Variants in WWOX observed in about 807,000 individuals in gnomAD.
WWOX encodes WW domain containing oxidoreductase, also known as WW domain-containing oxidoreductase.
A neutral mutation model predicts 46.2 loss-of-function variants in WWOX; 69 were observed. The ratio of observed to expected loss-of-function variants is 1.49; its 90% CI spans 1.23 to 1.82. The LOEUF is 1.82. Among genes scored for constraint, WWOX ranks in the 40% most tolerant of loss-of-function variants. The probability of loss-of-function intolerance (pLI) is 0.00; values close to 1 mark genes in which losing one functional copy is unlikely to be tolerated. For missense variants in WWOX, 919 were observed against 542.6 expected, an observed-to-expected ratio of 1.69 and a Z score of -6.89; for synonymous variants, 359 against 202.6, an observed-to-expected ratio of 1.77 and a Z score of -6.56.
intron 8 of WWOX, among the ~76,000 whole-genome samples, chr16:78,548,827 C>T (rs2044109873): frequency 6.6e-6 from 1 of 152,164 alleles, no homozygotes; most frequent in Non-Finnish European, 1.5e-5. Context: ...CTTTTGGCTG[C>T]AGCCCGTTAA....
intron 8 of WWOX, among the ~76,000 whole-genome samples, chr16:78,454,937 T>C (rs1819316992): frequency 6.6e-6 from 1 of 152,248 alleles, no homozygotes; most frequent in East Asian, 1.9e-4. Flanking sequence ...CAATACTGTT[T>C]GATGTGCTCC....
At chr16:78,492,053 T>G (rs746224238) in intron 8 of WWOX, among the ~76,000 whole-genome samples, 4 of 152,038 alleles carry the variant, frequency 2.6e-5, no homozygotes, top group African/African-American at 4.8e-5. Flanking sequence ...GGGGTGTGCT[T>G]TGGGGTTAGT....
intron 8 of WWOX, among the ~76,000 whole-genome samples, chr16:78,904,166 T>C (rs1228601218): frequency 6.6e-6 from 1 of 152,162 alleles, no homozygotes; most frequent in Admixed American, 6.5e-5. Context: ...GTTAGAGTTT[T>C]TCTTTAAAGC....
chr16:78,563,974 G>T lies in WWOX; in HGVS notation c.1056+131222G>T, dbSNP rs977725299. Among the ~76,000 whole-genome samples the T allele has an allele frequency of 2.1e-4, 32 of 152,198 alleles. 1 individual carries two copies. Among genetic ancestry groups the T allele is most frequent in the Non-Finnish European group, 2.9e-5 (2 of 68,044 alleles). ...GCTTGAAACGTGCTTTTATGTTGGT[G>T]CTTGCCCACTTGCTGTGCTACGAAC... On this transcript the variant is annotated intron_variant, in intron 8 of 8. Transcript: ENST00000566780.
At chr16:79,147,736 C>T (rs1019543800) in intron 8 of WWOX, among the ~76,000 whole-genome samples, 3 of 152,152 alleles carry the variant, frequency 2.0e-5, no homozygotes, top group African/African-American at 7.2e-5. Flanking sequence ...ATATCTTCAC[C>T]AGCATTTGGT....
At chr16:78,186,908 A>G (rs2035727373) in intron 5 of WWOX, among the ~76,000 whole-genome samples, 1 of 152,204 alleles carries the variant, frequency 6.6e-6, no homozygotes, top group African/African-American at 2.4e-5. Flanking sequence ...CATAACAATC[A>G]AGTCTGGGAA....
intron 5 of WWOX, among the ~76,000 whole-genome samples, chr16:78,272,207 G>C (rs1402973605): frequency 6.6e-6 from 1 of 152,176 alleles, no homozygotes; most frequent in Non-Finnish European, 1.5e-5. Flanking sequence ...TCAGTCAGTG[G>C]TGCTATGCTG....
At chr16:78,971,530 A>G (rs1008434879) in intron 8 of WWOX, among the ~76,000 whole-genome samples, 2 of 151,830 alleles carry the variant, frequency 1.3e-5, no homozygotes, top group Non-Finnish European at 2.9e-5. Flanking sequence ...AGCCATGGAA[A>G]GAGAATGGAG....
chr16:78,705,360 A>G (rs8062505), intron 8 of WWOX, among the ~76,000 whole-genome samples: 100,992 of 152,050 alleles, frequency 0.66, 34,937 homozygotes, highest in African/African-American at 0.88. Context: ...ACAAAACAAC[A>G]CATAAGAGAG....
At chr16:79,012,275 T>G (rs896221253) in intron 8 of WWOX, among the ~76,000 whole-genome samples, 1 of 152,110 alleles carries the variant, frequency 6.6e-6, no homozygotes, top group Admixed American at 6.5e-5. Flanking sequence ...CTCTGTCACC[T>G]AGGCTAGAGT....
chr16:78,996,271 A>G, intron 8 of WWOX: 3 of 985,112 alleles, frequency 3.0e-6, no homozygotes, highest in Non-Finnish European at 3.6e-6. Flanking sequence ...ACCCCTTTTC[A>G]GCTGGGTGCT....
At chr16:78,479,362 C>CCTAA (rs1315616001) in intron 8 of WWOX, among the ~76,000 whole-genome samples, 1 of 152,170 alleles carries the variant, frequency 6.6e-6, no homozygotes, top group African/African-American at 2.4e-5. Context: ...GAAGCAAAGA[C>CCTAA]CTAACTCAGC....
At chr16:78,455,332 T>C (rs769912182) in intron 8 of WWOX, among the ~76,000 whole-genome samples, 1 of 152,030 alleles carries the variant, frequency 6.6e-6, no homozygotes, top group African/African-American at 2.4e-5. Context: ...ATAAATGATA[T>C]TCTAATCTAA....
intron 8 of WWOX, among the ~76,000 whole-genome samples, chr16:78,590,555 C>T (rs1227123598): frequency 6.6e-6 from 1 of 152,196 alleles, no homozygotes; most frequent in Admixed American, 6.5e-5. Context: ...AAGTGTATTT[C>T]TTGATACTTG....
chr16:78,970,218 T>C (rs1189521400), intron 8 of WWOX, among the ~76,000 whole-genome samples: 1 of 152,196 alleles, frequency 6.6e-6, no homozygotes, highest in Non-Finnish European at 1.5e-5. Flanking sequence ...TTAGCTCTTT[T>C]GATAACCACA....
At chr16:79,017,459 A>AAAAAAG (rs2047440151) in intron 8 of WWOX, 1 of 146,886 alleles carries the variant, frequency 6.8e-6, no homozygotes, top group African/African-American at 2.6e-5. Flanking sequence ...AAAAAAAAAA[A>AAAAAAG]AAAGAAAGAA....
At chr16:79,039,048 A>T (rs931043075) in intron 8 of WWOX, among the ~76,000 whole-genome samples, 2 of 152,118 alleles carry the variant, frequency 1.3e-5, no homozygotes, top group African/African-American at 4.8e-5. Context: ...TTAAACCTCT[A>T]CGTTGGGATT....
At chr16:78,902,423 C>T (rs1217081374) in intron 8 of WWOX, among the ~76,000 whole-genome samples, 4 of 152,344 alleles carry the variant, frequency 2.6e-5, no homozygotes, top group South Asian at 2.1e-4. Flanking sequence ...TATCCAGCAG[C>T]GCCACGCGGG....
chr16:78,500,530 C>G (rs900557696), intron 8 of WWOX, among the ~76,000 whole-genome samples: 3 of 151,980 alleles, frequency 2.0e-5, no homozygotes, highest in Non-Finnish European at 4.4e-5. Context: ...GAAGCCATAG[C>G]AAGATGTGCC....
Sources: gnomAD v4.1 joint callset for allele counts (sites outside exome capture counted in the v4.1 genomes callset) on GRCh38, gnomAD v4.1.1 for gene constraint, MANE v1.5 for transcripts, NCBI Gene and HGNC (gene_info 2026-07-23, HGNC 2026-07-21) for gene names.